Variants in DEUP1 observed in about 807,000 individuals in gnomAD.
DEUP1 encodes the protein coiled-coil domain containing 67.
Under a neutral mutation model 87.4 loss-of-function variants are expected in DEUP1, and 82 were observed. That is an observed-to-expected ratio of 0.94 (90% confidence interval 0.78 to 1.13). The LOEUF (loss-of-function observed/expected upper bound fraction) is 1.13. Among genes scored for constraint, DEUP1 ranks in the 50% most tolerant of loss-of-function variants. The pLI, the probability that DEUP1 is intolerant of heterozygous loss-of-function variation, is 0.00. For synonymous variants in DEUP1, 214 were observed against 222.7 expected (o/e 0.96, Z 0.35); for missense variants, 663 against 681.5 (o/e 0.97, Z 0.30).
chr11:93,437,491 A>AT, intron 13 of DEUP1, 52 bp from the exon 14 acceptor site: 3 of 1,432,040 alleles, frequency 2.1e-6, no homozygotes, highest in Non-Finnish European at 2.9e-6. Context: ...AAATGGGAAG[A>AT]TTTTTTAAAG....
In DEUP1 at chr11:93,437,735, T is replaced by A. The variant is rs767042694; in HGVS notation, c.*16T>A. On this transcript the variant is annotated 3_prime_UTR_variant, in exon 14 of 14. Coordinates refer to ENST00000298050, the MANE Select transcript of DEUP1 (RefSeq NM_181645.4). ...ACACATATGAGCTTTTAAACTTTTT[T>A]ATTTGCTTCCCCCCCCCACCCCCGC... is the stretch of plus-strand genomic sequence containing the variant. 7.1e-7 allele frequency: 1 copy of A among 1,406,690 alleles called. No homozygotes were observed. The highest frequency in any genetic ancestry group is 9.7e-7 in the Non-Finnish European group (1 of 1,029,038). 87.1% of individuals were successfully genotyped at this position (1,406,690 alleles called of 1,614,324 possible). A position where few individuals can be genotyped will look rare whatever the true frequency, so the allele number is the denominator to read the frequency against.
chr11:93,414,279 C>G (rs1400477723), intron 12 of DEUP1, among the ~76,000 whole-genome samples: 1 of 152,100 alleles, frequency 6.6e-6, no homozygotes, highest in East Asian at 1.9e-4. Context: ...TTTGGGAGGC[C>G]AACGCAGGCG....
chr11:93,416,154 T>C (rs914615700), intron 13 of DEUP1, among the ~76,000 whole-genome samples: 3 of 152,138 alleles, frequency 2.0e-5, no homozygotes, highest in Admixed American at 6.6e-5. Flanking sequence ...TTGCAAAAGC[T>C]AGCAGAAGGC....
At chr11:93,416,929 C>A (rs148131458) in intron 13 of DEUP1, among the ~76,000 whole-genome samples, 2 of 152,132 alleles carry the variant, frequency 1.3e-5, no homozygotes, top group Non-Finnish European at 2.9e-5. Context: ...AGACAAAAAC[C>A]ACATGATTAT....
intron 2 of DEUP1, among the ~76,000 whole-genome samples, chr11:93,351,536 T>TGAAAAA (rs1944629382): frequency 6.6e-6 from 1 of 152,202 alleles, no homozygotes; most frequent in Admixed American, 6.5e-5. Context: ...CAGTACAAGG[T>TGAAAAA]GATACATGTT....
chr11:93,403,094 T>C (rs1451895378), intron 11 of DEUP1, among the ~76,000 whole-genome samples: 1 of 152,026 alleles, frequency 6.6e-6, no homozygotes, highest in Non-Finnish European at 1.5e-5. Context: ...TATTTAAATG[T>C]ACTAATTTAT....
chr11:93,430,317 G>GA (rs1183084393), intron 13 of DEUP1, among the ~76,000 whole-genome samples: 6 of 149,492 alleles, frequency 4.0e-5, no homozygotes, highest in Admixed American at 1.3e-4. Flanking sequence ...GTAGTATGGT[G>GA]AAAAAAAAAG....
Position 93,356,946 on chromosome 11 carries a change from A to G in DEUP1, c.202-2A>G. The G allele has an allele frequency of 6.3e-7, 1 of 1,578,396 alleles. No individual in the cohort carries two copies. The highest frequency in any genetic ancestry group is 8.6e-7 in the Non-Finnish European group (1 of 1,161,746). ...CAAAATTAAATTTTATTCTTCATGC[A>G]GGTAGGGTTACTTCGACAGAAATTG... On this transcript the variant is annotated splice_acceptor_variant, in intron 3 of 13. Coordinates refer to ENST00000298050, the MANE Select transcript of DEUP1 (RefSeq NM_181645.4). LOFTEE classifies it high-confidence loss of function.
intron 11 of DEUP1, among the ~76,000 whole-genome samples, chr11:93,398,140 T>G (rs902315363): frequency 2.6e-5 from 4 of 152,156 alleles, no homozygotes; most frequent in African/African-American, 4.8e-5. Flanking sequence ...GGGGATTTTA[T>G]CATCTTTTTA....
chr11:93,412,186 C>A (rs1947454664), intron 12 of DEUP1, among the ~76,000 whole-genome samples: 1 of 152,114 alleles, frequency 6.6e-6, no homozygotes, highest in Non-Finnish European at 1.5e-5. Context: ...ACATGTCCAA[C>A]AAAGCTGAAA....
chr11:93,353,025 A>C (rs767510462), intron 2 of DEUP1, among the ~76,000 whole-genome samples: 4 of 152,118 alleles, frequency 2.6e-5, no homozygotes, highest in Admixed American at 6.5e-5. Context: ...AACTCATTAC[A>C]GCATTAACCC....
At chr11:93,339,578 A>G (rs1165794897) in intron 2 of DEUP1, among the ~76,000 whole-genome samples, 1 of 152,228 alleles carries the variant, frequency 6.6e-6, no homozygotes, top group East Asian at 1.9e-4. Context: ...CAGGTGGCAT[A>G]TGAGGCATAA....
At chr11:93,357,827 C>G (rs2134221590) in intron 4 of DEUP1, among the ~76,000 whole-genome samples, 1 of 152,106 alleles carries the variant, frequency 6.6e-6, no homozygotes, top group South Asian at 2.1e-4. Context: ...GTAATTAAGC[C>G]ATTAAGATTG....
chr11:93,437,353 T>C, intron 13 of DEUP1, 190 bp from the exon 14 acceptor site: 1 of 526,222 alleles, frequency 1.9e-6, no homozygotes, highest in South Asian at 3.2e-5. Flanking sequence ...TGTGATGTCT[T>C]ACTTAGTTCC....
Position 93,394,605 on chromosome 11 carries a change from A to C in DEUP1, c.1188A>C (p.Lys396Asn), listed in dbSNP as rs756884450. ...TVTKKAALLE[K>N]QLKMELEIKE... ...CAAAGAAAGCTGCCCTTCTGGAAAA[A>C]CAGTTAAAAATGGAATTAGAAATAA... Residue 396 changes from lysine to asparagine, a missense_variant, in exon 10 of 14, where the codon AAA becomes AAC. Transcript: ENST00000298050. The C allele has an allele frequency of 1.2e-6, 2 of 1,612,600 alleles. No individual in the cohort carries two copies. The highest frequency in any genetic ancestry group is 1.7e-6 in the Non-Finnish European group (2 of 1,179,522).
chr11:93,339,541 A>G (rs1943952032), intron 2 of DEUP1, among the ~76,000 whole-genome samples: 1 of 152,318 alleles, frequency 6.6e-6, no homozygotes. Context: ...CAAATTACCC[A>G]TAGAGGCTAT....
At chr11:93,400,456 TCTCTCCTTATGTGTCTG>T (rs1184910767) in intron 11 of DEUP1, among the ~76,000 whole-genome samples, 3 of 152,116 alleles carry the variant, frequency 2.0e-5, no homozygotes, top group African/African-American at 7.2e-5. Context: ...CCCATCATCC[TCTCTCCTTATGTGTCTG>T]TTTCTGTGCC....
At chr11:93,352,662 A>T (rs1171307258) in intron 2 of DEUP1, among the ~76,000 whole-genome samples, 2 of 152,212 alleles carry the variant, frequency 1.3e-5, no homozygotes, top group East Asian at 1.9e-4. Context: ...ACAGTTCTAC[A>T]TAGCTGGGAA....
At chr11:93,427,236 T>C (rs1233589220) in intron 13 of DEUP1, among the ~76,000 whole-genome samples, 4 of 150,882 alleles carry the variant, frequency 2.7e-5, no homozygotes, top group African/African-American at 7.3e-5. Context: ...ACTACAAGGC[T>C]ACAGTAACCA....
Sources: gnomAD v4.1 joint callset for allele counts (sites outside exome capture counted in the v4.1 genomes callset) on GRCh38, gnomAD v4.1.1 for gene constraint, MANE v1.5 for transcripts, NCBI Gene and HGNC (gene_info 2026-07-23, HGNC 2026-07-21) for gene names.